VEPH1: variants seen among roughly 807,000 people sequenced by gnomAD.
VEPH1 encodes ventricular zone expressed PH domain containing 1.
In VEPH1, 80 loss-of-function variants were observed where a neutral mutation model predicts 85.2. The ratio of observed to expected loss-of-function variants is 0.94; its 90% CI spans 0.78 to 1.13. VEPH1 has a LOEUF of 1.13. Ranked by LOEUF, VEPH1 falls within the 50% of genes most tolerant of loss-of-function variation. The pLI is 0.00. For missense variants in VEPH1, 955 were observed against 980.5 expected (o/e 0.97, Z 0.35); for synonymous variants, 297 against 348.0 (o/e 0.85, Z 1.63).
intron 4 of VEPH1, among the ~76,000 whole-genome samples, chr3:157,444,953 C>T (rs893350052): frequency 2.6e-5 from 4 of 152,198 alleles, no homozygotes; most frequent in Non-Finnish European, 5.9e-5. Flanking sequence ...CTCTAAATGA[C>T]AGAATCCTAG....
chr3:157,324,069 T>C (rs1030638402), intron 9 of VEPH1, among the ~76,000 whole-genome samples: 4 of 152,212 alleles, frequency 2.6e-5, no homozygotes, highest in African/African-American at 9.6e-5. Context: ...TATCTGTATT[T>C]TTTGAGACAG....
intron 4 of VEPH1, among the ~76,000 whole-genome samples, chr3:157,438,228 C>T (rs1733826820): frequency 6.6e-6 from 1 of 152,022 alleles, no homozygotes; most frequent in Non-Finnish European, 1.5e-5. Flanking sequence ...CCCCTTACAC[C>T]CGATCCGACT....
At chr3:157,466,662 A>G (rs754610887) in intron 3 of VEPH1, among the ~76,000 whole-genome samples, 54 of 152,242 alleles carry the variant, frequency 3.5e-4, no homozygotes, top group South Asian at 2.1e-4. Flanking sequence ...TCTCATCTTG[A>G]TAAGACCAAG....
chr3:157,425,850 A>C (rs1732715892), intron 5 of VEPH1, among the ~76,000 whole-genome samples: 1 of 152,214 alleles, frequency 6.6e-6, no homozygotes, highest in East Asian at 1.9e-4. Flanking sequence ...CAGTGTCCCC[A>C]CCAAAATCTC....
At chr3:157,438,282 C>T (rs1733833244) in intron 4 of VEPH1, among the ~76,000 whole-genome samples, 1 of 152,098 alleles carries the variant, frequency 6.6e-6, no homozygotes, top group African/African-American at 2.4e-5. Flanking sequence ...CGTGATCCCT[C>T]TTGCCGCCCA....
In VEPH1 at chr3:157,314,225, C is replaced by T. The variant is rs535509848; in HGVS notation, c.1876-470G>A. On this transcript the variant is annotated intron_variant, in intron 10 of 13. Coordinates refer to ENST00000362010, the MANE Select transcript of VEPH1 (RefSeq NM_001167912.2). Reference sequence around the variant, plus strand: ...GCGGGAGCCTGTAGTCCCAGCTACTCGGGAGGCTGAGGCAGGAGAATTGCT... The same window carrying T: ...GCGGGAGCCTGTAGTCCCAGCTACTTGGGAGGCTGAGGCAGGAGAATTGCT... Among the ~76,000 whole-genome samples the T allele has an allele frequency of 4.1e-5, 6 of 146,938 alleles. No individual in the cohort carries two copies. In the South Asian group the frequency reaches 6.6e-4, roughly 16 times the overall value.
intron 4 of VEPH1, among the ~76,000 whole-genome samples, chr3:157,457,369 T>C (rs1735470284): frequency 6.6e-6 from 1 of 152,232 alleles, no homozygotes; most frequent in African/African-American, 2.4e-5. Flanking sequence ...GGATGTGCTA[T>C]ATTTCTTTCT....
At chr3:157,454,126 G>C (rs1372531466) in intron 4 of VEPH1, among the ~76,000 whole-genome samples, 1 of 152,076 alleles carries the variant, frequency 6.6e-6, no homozygotes, top group Non-Finnish European at 1.5e-5. Flanking sequence ...AATGTGTGGT[G>C]TGTATAAGTG....
chr3:157,431,126 T>A (rs1380430235), intron 4 of VEPH1, among the ~76,000 whole-genome samples: 2 of 151,978 alleles, frequency 1.3e-5, no homozygotes, highest in Admixed American at 1.3e-4. Context: ...AGTGAGGGAG[T>A]TCTCATGAGA....
chr3:157,365,620 G>A (rs955981171), intron 7 of VEPH1, among the ~76,000 whole-genome samples: 6 of 152,066 alleles, frequency 3.9e-5, no homozygotes, highest in Non-Finnish European at 8.8e-5. Flanking sequence ...TGGCTACAAA[G>A]GTTCCTGCAC....
At chr3:157,371,943 G>T (rs1355114258) in intron 7 of VEPH1, among the ~76,000 whole-genome samples, 1 of 152,030 alleles carries the variant, frequency 6.6e-6, no homozygotes, top group Admixed American at 6.6e-5. Flanking sequence ...CTAATGAACT[G>T]CCACCCAGAT....
At chr3:157,494,160 G>T (rs758481143) in intron 2 of VEPH1, among the ~76,000 whole-genome samples, 2 of 152,222 alleles carry the variant, frequency 1.3e-5, no homozygotes, top group Non-Finnish European at 2.9e-5. Flanking sequence ...GTTAATGGCA[G>T]CCAGCAAGAG....
chr3:157,351,942 C>G (rs1724912115), intron 9 of VEPH1, among the ~76,000 whole-genome samples: 1 of 152,158 alleles, frequency 6.6e-6, no homozygotes, highest in Non-Finnish European at 1.5e-5. Flanking sequence ...AAAAATGTCC[C>G]TAGACATTAT....
intron 9 of VEPH1, among the ~76,000 whole-genome samples, chr3:157,334,494 C>G (rs1016238738): frequency 6.6e-6 from 1 of 152,148 alleles, no homozygotes; most frequent in East Asian, 1.9e-4. Flanking sequence ...ACAACATGAA[C>G]AGCCATTAAG....
At chr3:157,297,880 G>T (rs989986299) in intron 11 of VEPH1, among the ~76,000 whole-genome samples, 1 of 152,194 alleles carries the variant, frequency 6.6e-6, no homozygotes, top group African/African-American at 2.4e-5. Context: ...GGCCAATGGA[G>T]CACTCTAATG....
chr3:157,451,019 C>T (rs1033811811), intron 4 of VEPH1, among the ~76,000 whole-genome samples: 2 of 152,094 alleles, frequency 1.3e-5, no homozygotes, highest in African/African-American at 2.4e-5. Context: ...TTAAGATGGA[C>T]CTGTATTTTT....
At chr3:157,315,565 TTAA>T (rs1314400497) in intron 10 of VEPH1, among the ~76,000 whole-genome samples, 1 of 152,064 alleles carries the variant, frequency 6.6e-6, no homozygotes, top group Non-Finnish European at 1.5e-5. Flanking sequence ...GTTGTAATTA[TTAA>T]TATCAAGTCA....
At chr3:157,316,642 A>G (rs572004980) in intron 10 of VEPH1, among the ~76,000 whole-genome samples, 3 of 151,956 alleles carry the variant, frequency 2.0e-5, no homozygotes, top group Admixed American at 1.3e-4. Context: ...CATATATTCT[A>G]TAGAAAAAAG....
intron 4 of VEPH1, among the ~76,000 whole-genome samples, chr3:157,452,904 T>A (rs550486657): frequency 6.6e-6 from 1 of 152,162 alleles, no homozygotes; most frequent in Non-Finnish European, 1.5e-5. Context: ...CTTTTGGGGA[T>A]CTACTCCTCC....
Sources: allele counts gnomAD v4.1 joint callset (sites outside exome capture counted in the v4.1 genomes callset), GRCh38; gene constraint gnomAD v4.1.1; transcripts MANE v1.5; gene names NCBI Gene and HGNC (gene_info 2026-07-23, HGNC 2026-07-21).